TFCP2L1: variants seen among roughly 807,000 people sequenced by gnomAD.
TFCP2L1 encodes transcription factor CP2-like protein 1.
Under a neutral mutation model 72.2 loss-of-function variants are expected in TFCP2L1, and 12 were observed. The observed-to-expected ratio is 0.17, with a 90% confidence interval of 0.11 to 0.27. TFCP2L1 has a LOEUF of 0.27. Ranked by LOEUF, TFCP2L1 falls within the 10% of genes least tolerant of loss-of-function variation. TFCP2L1 has a pLI of 1.00. For synonymous variants in TFCP2L1, 260 were observed against 251.0 expected (o/e 1.04, Z -0.34); for missense variants, 488 against 624.6 (o/e 0.78, Z 2.33).
At chr2:121,232,057 T>C (rs1686154876) in intron 12 of TFCP2L1, 89 bp from the exon 13 acceptor site, 5 of 1,444,152 alleles carry the variant, frequency 3.5e-6, no homozygotes, top group African/African-American at 1.4e-5. Context: ...AGTAAGTCCT[T>C]TGTCAAAATG....
intron 7 of TFCP2L1, chr2:121,240,621 A>C (rs1031280551): frequency 1.0e-6 from 1 of 985,262 alleles, no homozygotes; most frequent in African/African-American, 1.7e-5. Context: ...GCTTGGACAG[A>C]CCTGGCATGT....
intron 1 of TFCP2L1, among the ~76,000 whole-genome samples, chr2:121,283,319 T>C (rs557045634): frequency 1.3e-5 from 2 of 151,950 alleles, no homozygotes; most frequent in African/African-American, 2.4e-5. Flanking sequence ...AAAAATAAAA[T>C]ACAAAAAACG....
At chr2:121,250,346 TTA>T (rs71829928) in intron 2 of TFCP2L1, among the ~76,000 whole-genome samples, 333 of 141,976 alleles carry the variant, frequency 2.3e-3, no homozygotes, top group South Asian at 0.012. Context: ...CAGAAGACTG[TTA>T]TATATATATA....
At chr2:121,276,801 C>T (rs1176462713) in intron 2 of TFCP2L1, among the ~76,000 whole-genome samples, 1 of 151,942 alleles carries the variant, frequency 6.6e-6, no homozygotes, top group South Asian at 2.1e-4. Flanking sequence ...AAAATTTAGA[C>T]ACCTCTAAAT....
rs113647949 is a variant in TFCP2L1, at chr2:121,249,985, A to G, written c.215-338T>C. Among the ~76,000 whole-genome samples the G allele has an allele frequency of 1.2e-3, 181 of 152,344 alleles. 2 individuals carry two copies. The highest frequency in any genetic ancestry group is 4.0e-3 in the African/African-American group (166 of 41,582). ...CTCATACATCTTTACAAACCCCCCA[A>G]TACAACGGGATGGAGAACACAGCTA... On this transcript the variant is annotated intron_variant, in intron 2 of 14. Transcript: ENST00000263707.
In TFCP2L1 at chr2:121,231,998, C is replaced by A. The variant is rs1300277376; in HGVS notation, c.1199-30G>T. On this transcript the variant is annotated intron_variant, in intron 12 of 14. Transcript: ENST00000263707. ...GGGAAGGAGGAGCAAGTGCTGCTTT[C>A]CAAGTGGCCATTCTGTCAGTGTGAG... is the stretch of plus-strand genomic sequence containing the variant. 3 of 1,549,452 alleles carry A rather than the reference C, an allele frequency of 1.9e-6. No individual in the cohort carries two copies. In the African/African-American group the frequency reaches 4.1e-5, roughly 21 times the overall value.
In TFCP2L1 at chr2:121,224,336, G is replaced by A. The variant is rs1352121548; in HGVS notation, c.*5C>T. The A allele has an allele frequency of 6.2e-7, 1 of 1,613,990 alleles. No individual in the cohort carries two copies. The highest frequency in any genetic ancestry group is 8.5e-7 in the Non-Finnish European group (1 of 1,179,994). ...GCTGGAGACAGGTATGAGGTCCACT[G>A]CTGCTCAGAGTCCACATTTCAGGAT... On this transcript the variant is annotated 3_prime_UTR_variant, in exon 15 of 15. Coordinates refer to ENST00000263707, the MANE Select transcript of TFCP2L1 (RefSeq NM_014553.3).
chr2:121,253,862 C>T (rs185933103), intron 2 of TFCP2L1, among the ~76,000 whole-genome samples: 35 of 152,274 alleles, frequency 2.3e-4, no homozygotes, highest in Admixed American at 3.9e-4. Context: ...AGATGGACAT[C>T]CAGCCACCCT....
rs1442818489 is a variant in TFCP2L1 at position 121,281,124 on chromosome 2, G to A, written c.210C>T (p.Asn70=). 12 of 1,613,984 alleles carry A rather than the reference G, an allele frequency of 7.4e-6. No homozygotes were observed. In the East Asian group the frequency reaches 2.5e-4, roughly 33 times the overall value. The change falls in exon 2 of 15, where the codon AAC becomes AAT. Residue 70 remains asparagine, a synonymous_variant. Transcript: ENST00000263707. ...KLHEETLTYL[N]QGQSYEIRLL... is the part of the protein sequence containing the mutation. ...CCCGGGGCCTCTGGCCACTACCTTG[G>A]TTGAGGTAGGTCAGCGTCTCTTCAT... is the stretch of plus-strand genomic sequence containing the variant.
At chr2:121,274,297 T>C (rs1280907050) in intron 2 of TFCP2L1, among the ~76,000 whole-genome samples, 1 of 152,078 alleles carries the variant, frequency 6.6e-6, no homozygotes, top group Non-Finnish European at 1.5e-5. Context: ...CTCAGCTTAA[T>C]ACTGAGGATA....
At chr2:121,261,988 A>G (rs1363662302) in intron 2 of TFCP2L1, among the ~76,000 whole-genome samples, 1 of 152,160 alleles carries the variant, frequency 6.6e-6, no homozygotes, top group Non-Finnish European at 1.5e-5. Context: ...TTTAAAAAAC[A>G]TCAAGCAGAC....
chr2:121,281,093 C>A (rs1474856513), intron 2 of TFCP2L1, 27 bp downstream of exon 2: 2 of 1,613,674 alleles, frequency 1.2e-6, no homozygotes, highest in Admixed American at 3.3e-5. Flanking sequence ...CTGGGTTCCG[C>A]CCTGGCCCGG....
intron 2 of TFCP2L1, among the ~76,000 whole-genome samples, chr2:121,274,096 A>G (rs77894741): frequency 7.0e-6 from 1 of 143,240 alleles, no homozygotes; most frequent in Non-Finnish European, 1.5e-5. Context: ...TCTGTCTCCA[A>G]AAAAAAAAAA....
At chr2:121,231,699 T>C (rs2104667041) in intron 13 of TFCP2L1, 127 bp downstream of exon 13, 1 of 1,368,940 alleles carries the variant, frequency 7.3e-7, no homozygotes, top group East Asian at 2.5e-5. Context: ...CAGCCACAGC[T>C]GCAGGTGGTG....
In TFCP2L1 at chr2:121,249,438, C is replaced by T. The variant is rs529882922; in HGVS notation, c.291+133G>A. 1.0e-4 allele frequency: 80 copies of T among 773,096 alleles called. 1 individual carries two copies. The Admixed American group carries it at 1.0e-3, about 10-fold the overall frequency. The allele number at this position is 773,096 out of a possible 1,614,324, so 47.9% of individuals were successfully genotyped here. A position where few individuals can be genotyped will look rare whatever the true frequency, so the allele number is the denominator to read the frequency against. ...AAGCCAAACAGGGGCTGCGTCTCAC[C>T]GTTGAGGGCTGAGCTGAACCCGGCC... On this transcript the variant is annotated intron_variant, in intron 3 of 14. Transcript: ENST00000263707.
At position 121,227,720 on chromosome 2, in the gene TFCP2L1, T is replaced by TACACACACACACACACAC. The variant is rs144192362; in HGVS notation, c.1342-2125_1342-2108dup. Among the ~76,000 whole-genome samples the TACACACACACACACACAC allele has an allele frequency of 6.2e-3, 909 of 147,400 alleles. 9 individuals carry two copies. Among genetic ancestry groups the TACACACACACACACACAC allele is most frequent in the Non-Finnish European group, 0.01 (692 of 66,790 alleles). ...TAAAATAAAATATATAAACATACAATACACACACACACACACACACACACA... is the reference window on the plus strand; with the variant it reads ...TAAAATAAAATATATAAACATACAATACACACACACACACACACACACACACACACACACACACACACA... On this transcript the variant is annotated intron_variant, in intron 13 of 14. Transcript: ENST00000263707.
chr2:121,264,552 C>T (rs1401867901), intron 2 of TFCP2L1, among the ~76,000 whole-genome samples: 2 of 152,182 alleles, frequency 1.3e-5, no homozygotes, highest in Admixed American at 1.3e-4. Context: ...ACCTGTCTCT[C>T]TAGGCAGCTG....
At chr2:121,241,398 G>A (rs756310953) in intron 7 of TFCP2L1, among the ~76,000 whole-genome samples, 5 of 152,174 alleles carry the variant, frequency 3.3e-5, no homozygotes, top group Non-Finnish European at 7.4e-5. Context: ...GGGGGAGGCC[G>A]AGGCAGGAGA....
intron 2 of TFCP2L1, among the ~76,000 whole-genome samples, chr2:121,263,294 C>G: frequency 6.6e-6 from 1 of 152,034 alleles, no homozygotes; most frequent in Middle Eastern, 3.2e-3. Flanking sequence ...ACCAGTTTTG[C>G]TAGTTGAATT....
Sources: gnomAD v4.1 joint callset for allele counts (sites outside exome capture counted in the v4.1 genomes callset) on GRCh38, gnomAD v4.1.1 for gene constraint, MANE v1.5 for transcripts, NCBI Gene and HGNC (gene_info 2026-07-23, HGNC 2026-07-21) for gene names.